GPHN: variants seen among roughly 807,000 people sequenced by gnomAD.
GPHN encodes the protein gephyrin.
A neutral mutation model predicts 95.5 loss-of-function variants in GPHN; 17 were observed. The ratio of observed to expected loss-of-function variants is 0.18; its 90% CI spans 0.12 to 0.27. GPHN has a LOEUF of 0.27. Ranked by LOEUF, GPHN falls within the 10% of genes least tolerant of loss-of-function variation. The probability of loss-of-function intolerance (pLI) is 1.00; values close to 1 mark genes in which losing one functional copy is unlikely to be tolerated. For missense variants in GPHN, 660 were observed against 978.1 expected (o/e 0.67, Z 4.34); for synonymous variants, 320 against 322.5 (o/e 0.99, Z 0.08).
the GPHN span, chr14:67,691,078 C>G: frequency 9.3e-7 from 1 of 1,077,680 alleles, no homozygotes. Flanking sequence ...CAATCTGACC[C>G]CTAAGTTTCC....
At chr14:67,279,436 A>C in the GPHN span, 2 of 1,613,806 alleles carry the variant, frequency 1.2e-6, no homozygotes, top group South Asian at 2.2e-5. Context: ...AGACTTAAGA[A>C]ACTAGCCCAA....
At chr14:66,565,037 C>G (rs988778318) in intron 1 of GPHN, among the ~76,000 whole-genome samples, 17 of 152,052 alleles carry the variant, frequency 1.1e-4, no homozygotes, top group African/African-American at 4.1e-4. Flanking sequence ...TGAGTTTCCA[C>G]CAAGCTATGA....
At chr14:67,188,441 A>T in the GPHN span, among the ~76,000 whole-genome samples, 2 of 152,220 alleles carry the variant, frequency 1.3e-5, no homozygotes, top group Non-Finnish European at 2.9e-5. Context: ...AATTGATATC[A>T]TCAACAGTTA....
intron 10 of GPHN, among the ~76,000 whole-genome samples, chr14:67,042,877 T>G (rs2074786718): frequency 6.6e-6 from 1 of 152,202 alleles, no homozygotes; most frequent in Admixed American, 6.5e-5. Context: ...GAATGTTTTT[T>G]CCATATGTTT....
chr14:66,945,621 C>T (rs1192527418), intron 8 of GPHN, among the ~76,000 whole-genome samples: 2 of 152,064 alleles, frequency 1.3e-5, no homozygotes, highest in Non-Finnish European at 2.9e-5. Context: ...CCCAAAAAAC[C>T]TATTGAAATT....
the GPHN span, among the ~76,000 whole-genome samples, chr14:67,519,550 C>A: frequency 6.6e-6 from 1 of 152,094 alleles, no homozygotes; most frequent in Non-Finnish European, 1.5e-5. Context: ...GGTGTAAGCC[C>A]TACTAGGTAC....
intron 9 of GPHN, among the ~76,000 whole-genome samples, chr14:66,967,428 A>G (rs886105550): frequency 1.3e-5 from 2 of 151,994 alleles, no homozygotes; most frequent in Non-Finnish European, 2.9e-5. Context: ...CTTTAATATC[A>G]GTGACAAATA....
At chr14:67,625,667 C>T in the GPHN span, among the ~76,000 whole-genome samples, 1 of 57,500 alleles carries the variant, frequency 1.7e-5, no homozygotes, top group African/African-American at 7.9e-5. Context: ...GCAACGAGAG[C>T]AAAACTCCAT....
the GPHN span, among the ~76,000 whole-genome samples, chr14:67,501,290 A>G: frequency 6.6e-6 from 1 of 152,126 alleles, no homozygotes; most frequent in Non-Finnish European, 1.5e-5. Context: ...GAGACAAGAC[A>G]TGCACTCAGC....
chr14:66,640,710 A>G (rs750301132), intron 1 of GPHN, among the ~76,000 whole-genome samples: 6 of 152,160 alleles, frequency 3.9e-5, no homozygotes, highest in Non-Finnish European at 8.8e-5. Flanking sequence ...AGGAAAACCT[A>G]TGTGTTGAGG....
chr14:67,620,153 C>A, the GPHN span: 1 of 1,206,232 alleles, frequency 8.3e-7, no homozygotes, highest in Non-Finnish European at 1.2e-6. Flanking sequence ...GAGACAGCGG[C>A]GGTAGGGTGC....
chr14:67,708,303 T>C, the GPHN span, among the ~76,000 whole-genome samples: 1 of 152,216 alleles, frequency 6.6e-6, no homozygotes, highest in Admixed American at 6.5e-5. Context: ...TTTATGCAGT[T>C]AATCCTGTTC....
intron 8 of GPHN, among the ~76,000 whole-genome samples, chr14:66,958,075 C>T (rs1455245751): frequency 6.6e-6 from 1 of 152,192 alleles, no homozygotes; most frequent in Non-Finnish European, 1.5e-5. Context: ...GTTGATCTAA[C>T]TAGTTATTCT....
chr14:67,581,326 A>G, the GPHN span, among the ~76,000 whole-genome samples: 2 of 151,966 alleles, frequency 1.3e-5, no homozygotes, highest in Non-Finnish European at 2.9e-5. Flanking sequence ...AACAGACCAG[A>G]CCACCCTGGG....
chr14:67,624,563 G>A, the GPHN span, among the ~76,000 whole-genome samples: 1 of 152,104 alleles, frequency 6.6e-6, no homozygotes, highest in Non-Finnish European at 1.5e-5. Flanking sequence ...AGAGGGAGGT[G>A]ATACACACTT....
chr14:66,570,480 A>AT, intron 1 of GPHN, among the ~76,000 whole-genome samples: 1 of 151,664 alleles, frequency 6.6e-6, no homozygotes, highest in South Asian at 2.1e-4. Context: ...AATTTTTTGT[A>AT]TTTTTGGGAG....
chr14:66,548,178 ATTT>A (rs564746424), intron 1 of GPHN, among the ~76,000 whole-genome samples: 67 of 116,130 alleles, frequency 5.8e-4, no homozygotes, highest in African/African-American at 2.3e-3. Flanking sequence ...TACTATTGTA[ATTT>A]TTTTTTTTTT....
At chr14:67,580,055 A>C in the GPHN span, 7 of 601,908 alleles carry the variant, frequency 1.2e-5, no homozygotes. Context: ...GGGAGAAAAA[A>C]GCTGTTGTGT....
chr14:66,943,177 A>G lies in GPHN; in HGVS notation c.828+18885A>G, dbSNP rs112432862. Among the ~76,000 whole-genome samples the G allele has an allele frequency of 7.5e-3, 1,148 of 152,310 alleles. 5 individuals are homozygous for G. The highest frequency in any genetic ancestry group is 0.026 in the African/African-American group (1,089 of 41,552). Reference sequence around the variant, plus strand: ...CTTTGAGCTTTATTTTATCTAATTCAAAACAACCCTTTAACACTAGGCAAG... The same window carrying G: ...CTTTGAGCTTTATTTTATCTAATTCGAAACAACCCTTTAACACTAGGCAAG... On this transcript the variant is annotated intron_variant, in intron 8 of 22. Coordinates refer to ENST00000478722, the MANE Select transcript of GPHN (RefSeq NM_020806.5).
Sources: gnomAD v4.1 joint callset for allele counts (sites outside exome capture counted in the v4.1 genomes callset) on GRCh38, gnomAD v4.1.1 for gene constraint, MANE v1.5 for transcripts, NCBI Gene and HGNC (gene_info 2026-07-23, HGNC 2026-07-21) for gene names.